Variants in DOCK5 observed in about 807,000 individuals in gnomAD.
The protein encoded by DOCK5 is dedicator of cytokinesis 5, also known as dedicator of cytokinesis protein 5.
DOCK5 carries 142 observed loss-of-function variants against 251.8 expected under a neutral mutation model. The observed-to-expected ratio is 0.56, with a 90% CI of 0.49 to 0.65. DOCK5 has a LOEUF of 0.65. Ranked by LOEUF, DOCK5 falls within the 30% of genes least tolerant of loss-of-function variation. DOCK5 has a pLI of 0.00. For synonymous variants in DOCK5, 842 were observed against 835.5 expected (o/e 1.01, Z -0.13); for missense variants, 2,111 against 2,312.3 (o/e 0.91, Z 1.79).
chr8:25,295,384 T>TAA (rs111628470), intron 6 of DOCK5, among the ~76,000 whole-genome samples: 138 of 143,602 alleles, frequency 9.6e-4, no homozygotes, highest in Middle Eastern at 3.7e-3. Flanking sequence ...AGGCTGTCTC[T>TAA]AAAAAAAATA....
At chr8:25,334,265 G>A in intron 21 of DOCK5, 69 bp downstream of exon 21, 4 of 1,290,452 alleles carry the variant, frequency 3.1e-6, no homozygotes, top group Non-Finnish European at 4.5e-6. Context: ...CTGGATTGTT[G>A]AGAAACGAGA....
intron 34 of DOCK5, among the ~76,000 whole-genome samples, chr8:25,371,852 T>C (rs893374586): frequency 8.5e-5 from 13 of 152,206 alleles, no homozygotes; most frequent in Admixed American, 7.9e-4. Flanking sequence ...TGGATTAATG[T>C]GTTGGACCCA....
At chr8:25,298,824 G>A (rs540797068) in intron 7 of DOCK5, 120 bp from the exon 8 acceptor site, 6 of 1,104,892 alleles carry the variant, frequency 5.4e-6, no homozygotes, top group African/African-American at 1.6e-5. Flanking sequence ...TTACAGGAAT[G>A]AGCCACTGTG....
In DOCK5 at chr8:25,390,244, C is replaced by A; in HGVS notation, c.4312C>A (p.Pro1438Thr). Residue 1438 changes from proline (P) to threonine (T), a missense_variant, in exon 42 of 52, where the codon CCG becomes ACG. Around this residue, in one of 3 missense-constraint regions of DOCK5, gnomAD observed 1,717 missense variants for 1,892.4 expected, o/e 0.91. Transcript: ENST00000276440. Reference sequence around the variant, plus strand: ...CACTGTAAAGCCAGTGATGAGCTTGCCGCCCAGCTACAAGGATAAACCTGT... The same window carrying A: ...CACTGTAAAGCCAGTGATGAGCTTGACGCCCAGCTACAAGGATAAACCTGT... ...CFTVKPVMSL[P>T]PSYKDKPVPE... 1 of 1,593,282 alleles carries A rather than the reference C, an allele frequency of 6.3e-7. No individual in the cohort carries two copies. Among genetic ancestry groups the A allele is most frequent in the Non-Finnish European group, 8.6e-7 (1 of 1,169,406 alleles).
Position 25,369,574 on chromosome 8 carries a change from A to T in DOCK5, c.3457A>T (p.Thr1153Ser), listed in dbSNP as rs745971968. 6.2e-7 allele frequency: 1 copy of T among 1,611,192 alleles called. No individual in the cohort carries two copies. The highest frequency in any genetic ancestry group is 8.5e-7 in the Non-Finnish European group (1 of 1,178,718). The change falls in exon 34 of 52, where the codon ACA becomes TCA. Residue 1153 changes from threonine to serine, a missense_variant. By Grantham distance (58) the Thr-to-Ser change is moderately conservative. Coordinates refer to ENST00000276440, the MANE Select transcript of DOCK5 (RefSeq NM_024940.8). ...NFHMFENELI[T>S]KLDQEVEGGR... is the part of the protein sequence containing the mutation. ...CTTTCAGTTTGAGAATGAGCTGATCACAAAGCTGGACCAGGAGGTAGAAGG... is the reference window on the plus strand; with the variant it reads ...CTTTCAGTTTGAGAATGAGCTGATCTCAAAGCTGGACCAGGAGGTAGAAGG...
chr8:25,186,933 C>T (rs1801443476), intron 1 of DOCK5, among the ~76,000 whole-genome samples: 1 of 151,990 alleles, frequency 6.6e-6, no homozygotes, highest in African/African-American at 2.4e-5. Flanking sequence ...GGTGCGATGG[C>T]TCACGTCTGT....
At chr8:25,257,419 G>T (rs1182774737) in intron 2 of DOCK5, among the ~76,000 whole-genome samples, 1 of 152,192 alleles carries the variant, frequency 6.6e-6, no homozygotes, top group East Asian at 1.9e-4. Context: ...TCCCACTGGG[G>T]TCCTGTGGAA....
At chr8:25,318,224 A>G (rs1035953692) in intron 14 of DOCK5, among the ~76,000 whole-genome samples, 4 of 150,168 alleles carry the variant, frequency 2.7e-5, no homozygotes, top group Non-Finnish European at 4.4e-5. Context: ...GAGAGCTGAG[A>G]TTACAGGTGC....
At chr8:25,249,017 T>A (rs1457733880) in intron 2 of DOCK5, among the ~76,000 whole-genome samples, 2 of 152,280 alleles carry the variant, frequency 1.3e-5, no homozygotes, top group African/African-American at 4.8e-5. Flanking sequence ...ATCTTTTTTT[T>A]AGAGACAGGG....
At chr8:25,252,990 C>A (rs941885673) in intron 2 of DOCK5, among the ~76,000 whole-genome samples, 1 of 152,110 alleles carries the variant, frequency 6.6e-6, no homozygotes, top group Non-Finnish European at 1.5e-5. Context: ...TGCCACCACG[C>A]CCAGCTAATT....
chr8:25,331,975 T>C (rs1805694152), intron 18 of DOCK5, among the ~76,000 whole-genome samples: 1 of 152,184 alleles, frequency 6.6e-6, no homozygotes, highest in Non-Finnish European at 1.5e-5. Flanking sequence ...TTACTTCTTA[T>C]GACCATGATG....
In DOCK5 at chr8:25,377,377, A is replaced by C; in HGVS notation, c.3889A>C (p.Lys1297Gln). 6.2e-7 allele frequency: 1 copy of C among 1,613,866 alleles called. No individual in the cohort carries two copies. The highest frequency in any genetic ancestry group is 1.1e-5 in the South Asian group (1 of 91,080). Residue 1297 changes from lysine to glutamine, a missense_variant, in exon 38 of 52, where the codon AAA becomes CAA. Around this residue, in one of 3 missense-constraint regions of DOCK5, gnomAD observed 1,717 missense variants for 1,892.4 expected, o/e 0.91. Coordinates refer to ENST00000276440, the MANE Select transcript of DOCK5 (RefSeq NM_024940.8). ...CTATGTTTATACCCAGCAAGAGCTT[A>C]AAGAGAAGCTGTATCAAGAAATCAT... ...SYYVYTQQEL[K>Q]EKLYQEIISY...
intron 1 of DOCK5, among the ~76,000 whole-genome samples, chr8:25,223,377 C>T (rs1003665349): frequency 1.3e-5 from 2 of 152,196 alleles, no homozygotes; most frequent in Non-Finnish European, 1.5e-5. Flanking sequence ...TAAAGTGGCA[C>T]AATCACAGCT....
intron 9 of DOCK5, among the ~76,000 whole-genome samples, chr8:25,300,866 A>G (rs1009693712): frequency 1.3e-4 from 2 of 15,296 alleles, no homozygotes; most frequent in African/African-American, 2.0e-4. Flanking sequence ...AAATCGGGGA[A>G]AAAAAAGCAG....
At chr8:25,223,952 C>G (rs1455677799) in intron 1 of DOCK5, among the ~76,000 whole-genome samples, 2 of 152,152 alleles carry the variant, frequency 1.3e-5, no homozygotes, top group African/African-American at 4.8e-5. Flanking sequence ...TTATCACCTC[C>G]AATTTCTCTG....
At chr8:25,252,223 A>G (rs1194159222) in intron 2 of DOCK5, among the ~76,000 whole-genome samples, 2 of 152,056 alleles carry the variant, frequency 1.3e-5, no homozygotes, top group Non-Finnish European at 1.5e-5. Context: ...TTCTTTCTCT[A>G]CTTGGTCATC....
intron 1 of DOCK5, among the ~76,000 whole-genome samples, chr8:25,202,661 A>G (rs1801907360): frequency 6.6e-6 from 1 of 152,196 alleles, no homozygotes; most frequent in African/African-American, 2.4e-5. Flanking sequence ...AACCACGGAT[A>G]GTACCCAAGC....
intron 27 of DOCK5, among the ~76,000 whole-genome samples, chr8:25,356,051 A>AAG (rs397696710): frequency 1.3e-5 from 2 of 150,550 alleles, no homozygotes; most frequent in Non-Finnish European, 3.0e-5. Context: ...AAAAAAAAAA[A>AAG]TAGCCAGTTG....
In DOCK5 at chr8:25,308,853, G is replaced by T; in HGVS notation, c.1120G>T (p.Gly374Trp). 6.2e-7 allele frequency: 1 copy of T among 1,613,858 alleles called. No homozygotes were observed. Among genetic ancestry groups the T allele is most frequent in the Non-Finnish European group, 8.5e-7 (1 of 1,179,818 alleles). ...GCCTTTGATAACATCACACGTGATT[G>T]GGGAGAATGAGCCACTCACTTCAGT... The part of the protein sequence containing the change: ...MSPLITSHVI[G>W]ENEPLTSVLN... The change falls in exon 12 of 52, where the codon GGG (glycine) becomes TGG (tryptophan). Residue 374 changes from glycine to tryptophan, a missense_variant. By Grantham distance (184) the Gly-to-Trp change is radical. Transcript: ENST00000276440.
Sources: allele counts gnomAD v4.1 joint callset (sites outside exome capture counted in the v4.1 genomes callset), GRCh38; gene constraint gnomAD v4.1.1; regional missense constraint gnomAD v4.1.1; transcripts MANE v1.5; gene names NCBI Gene and HGNC (gene_info 2026-07-23, HGNC 2026-07-21).